MAP2K2: variants seen among roughly 807,000 people sequenced by gnomAD.
MAP2K2 encodes the protein dual specificity mitogen-activated protein kinase kinase 2.
MAP2K2 carries 24 observed loss-of-function variants against 43.7 expected under a neutral mutation model. That is an observed-to-expected ratio of 0.55 (90% CI 0.40 to 0.77). The LOEUF is 0.77. MAP2K2 is among the 30% of genes least tolerant of loss of function. The pLI is 0.00. For missense variants in MAP2K2, 470 were observed against 566.8 expected (o/e 0.83, Z 1.73); for synonymous variants, 244 against 239.7 (o/e 1.02, Z -0.17).
intron 6 of MAP2K2, chr19:4,100,681 A>G: frequency 2.7e-6 from 1 of 365,172 alleles, no homozygotes; most frequent in Non-Finnish European, 5.1e-6. Context: ...CAAATAAAAA[A>G]TAAAGAGCAA....
chr19:4,105,166 G>A (rs893408955), intron 3 of MAP2K2, among the ~76,000 whole-genome samples: 7 of 48,926 alleles, frequency 1.4e-4, no homozygotes, highest in Non-Finnish European at 4.6e-4. Flanking sequence ...GTGTGTGTGT[G>A]TGTGTGTGTG....
At chr19:4,103,837 G>A (rs908786094) in intron 3 of MAP2K2, among the ~76,000 whole-genome samples, 6 of 152,254 alleles carry the variant, frequency 3.9e-5, no homozygotes, top group Non-Finnish European at 8.8e-5. Context: ...CAGGGTGAGA[G>A]GGCAGGTATG....
chr19:4,115,590 G>C lies in MAP2K2; in HGVS notation c.303+1829C>G, dbSNP rs778992503. On this transcript the variant is annotated intron_variant, in intron 2 of 10. Transcript: ENST00000262948. The surrounding 1 kb of genome is among the most constrained non-coding windows in gnomAD (Gnocchi z 4.1). ...GTTTGGAAGAGGCTGCCTGCAGTAC[G>C]GGGACAGAAATAGCAAGTCCGCGGC... Among the ~76,000 whole-genome samples, 1 of 152,188 alleles carries C rather than the reference G, an allele frequency of 6.6e-6. No homozygotes were observed. The highest frequency in any genetic ancestry group is 6.5e-5 in the Admixed American group (1 of 15,270).
intron 10 of MAP2K2, 132 bp from the exon 11 acceptor site, chr19:4,090,840 C>T: frequency 8.3e-6 from 6 of 719,884 alleles, no homozygotes; most frequent in South Asian, 7.5e-5. Flanking sequence ...CCCTTCCCCA[C>T]AGGAAGACGC....
chr19:4,098,256 C>A (rs1313422109), intron 7 of MAP2K2, among the ~76,000 whole-genome samples: 1 of 152,118 alleles, frequency 6.6e-6, no homozygotes, highest in African/African-American at 2.4e-5. Context: ...CCAGGACAGG[C>A]CAGTCCAGAG....
At chr19:4,092,702 C>G (rs567075361) in intron 10 of MAP2K2, among the ~76,000 whole-genome samples, 88 of 152,278 alleles carry the variant, frequency 5.8e-4, no homozygotes, top group African/African-American at 2.0e-3. Context: ...CTCCTGGCCT[C>G]AGAGAGCCAT....
At chr19:4,112,682 GC>G (rs2041169642) in intron 2 of MAP2K2, among the ~76,000 whole-genome samples, 1 of 151,628 alleles carries the variant, frequency 6.6e-6, no homozygotes, top group Admixed American at 6.6e-5. Context: ...GCCCCTGCCT[GC>G]CCCTGTAGCG....
intron 7 of MAP2K2, among the ~76,000 whole-genome samples, chr19:4,097,579 A>G (rs1599285065): frequency 6.6e-6 from 1 of 152,260 alleles, no homozygotes. Context: ...GGCAAAAGGA[A>G]CAAGAACATT....
At chr19:4,097,561 A>T (rs893502817) in intron 7 of MAP2K2, among the ~76,000 whole-genome samples, 1 of 151,992 alleles carries the variant, frequency 6.6e-6, no homozygotes, top group Non-Finnish European at 1.5e-5. Flanking sequence ...CTAGTGAATT[A>T]AAAAAAAGGC....
chr19:4,102,405 C>G lies in MAP2K2; in HGVS notation c.499G>C (p.Glu167Gln), dbSNP rs1457335620. The change falls in exon 4 of 11, where the codon GAG becomes CAG. Residue 167 changes from glutamate to glutamine, a missense_variant. This residue lies in a region of MAP2K2 where 200 missense variants were observed against 297.9 expected (regional missense o/e 0.67). Transcript: ENST00000262948. ...ATGCTGACTTTCCCCAGGATCTCCT[C>G]GGGAATCCTCTTGGCCTCTTTCAGC... ...QVLKEAKRIP[E>Q]EILGKVSIAV... 1 of 1,605,766 alleles carries G rather than the reference C, an allele frequency of 6.2e-7. No homozygotes were observed. The highest frequency in any genetic ancestry group is 1.1e-5 in the South Asian group (1 of 89,456).
At chr19:4,095,068 C>T in intron 9 of MAP2K2, 1 of 375,896 alleles carries the variant, frequency 2.7e-6, no homozygotes, top group South Asian at 3.7e-5. Flanking sequence ...TCCCGGGGAG[C>T]CCACAGTCAG....
rs1236050467 is a variant in MAP2K2 at position 4,101,188 on chromosome 19, G to A, written c.580+41C>T. On this transcript the variant is annotated intron_variant, in intron 5 of 10. Transcript: ENST00000262948. The surrounding 1 kb of genome is among the most constrained non-coding windows in gnomAD (Gnocchi z 6.3). Reference sequence around the variant, plus strand: ...GGTGAGGGGCGCCCAACAGTTGCCTGCCGGCCCCCGGGGCTCTGGGGAGGG... The same window carrying A: ...GGTGAGGGGCGCCCAACAGTTGCCTACCGGCCCCCGGGGCTCTGGGGAGGG... The A allele has an allele frequency of 6.3e-7, 1 of 1,595,780 alleles. No homozygotes were observed. Among genetic ancestry groups the A allele is most frequent in the Admixed American group, 1.7e-5 (1 of 57,420 alleles).
chr19:4,095,378 C>T lies in MAP2K2; in HGVS notation c.1046+10G>A, dbSNP rs1364447290. The T allele has an allele frequency of 6.4e-7, 1 of 1,550,726 alleles. No homozygotes were observed. The highest frequency in any genetic ancestry group is 8.7e-7 in the Non-Finnish European group (1 of 1,146,702). ...CCGGCCAGGGGTGTGGGCAGCCCGG[C>T]TCCACCTACCATTTATTGACAAACT... On this transcript the variant is annotated intron_variant, in intron 9 of 10. Transcript: ENST00000262948.
rs1226350434 is a variant in MAP2K2, at chr19:4,115,961, A to T, written c.303+1458T>A. The stretch of plus-strand genomic sequence containing the variant: ...TCCCCTGGGCACTATTCTCAAACAC[A>T]GAGCACAGAGGCTGCATCATGGCCC... On this transcript the variant is annotated intron_variant, in intron 2 of 10. Transcript: ENST00000262948. This position sits in a 1 kb window ranked among gnomAD's most constrained non-coding sequence, Gnocchi z 4.1. 6.6e-6 allele frequency among the ~76,000 whole-genome samples: 1 copy of T among 152,162 alleles called. No individual in the cohort carries two copies. Among genetic ancestry groups the T allele is most frequent in the Non-Finnish European group, 1.5e-5 (1 of 68,036 alleles).
At chr19:4,105,162 G>A (rs1386883746) in intron 3 of MAP2K2, among the ~76,000 whole-genome samples, 1 of 27,022 alleles carries the variant, frequency 3.7e-5, no homozygotes, top group African/African-American at 4.9e-5. Context: ...TACCGTGTGT[G>A]TGTGTGTGTG....
intron 2 of MAP2K2, among the ~76,000 whole-genome samples, chr19:4,116,031 T>C (rs1228004453): frequency 6.6e-6 from 1 of 152,224 alleles, no homozygotes; most frequent in Non-Finnish European, 1.5e-5. Context: ...GCACCAGGGC[T>C]TGCAGACTTT....
At chr19:4,105,110 C>T (rs377393579) in intron 3 of MAP2K2, among the ~76,000 whole-genome samples, 29 of 151,220 alleles carry the variant, frequency 1.9e-4, no homozygotes, top group African/African-American at 6.9e-4. Flanking sequence ...CAGCTGTGTA[C>T]TGCTGACCCC....
At chr19:4,097,166 C>T (rs567303080) in intron 8 of MAP2K2, 113 bp downstream of exon 8, 2 of 807,738 alleles carry the variant, frequency 2.5e-6, no homozygotes, top group South Asian at 3.3e-5. Context: ...TGTACTCCAG[C>T]CTTGGTGACT....
chr19:4,103,122 T>C, intron 3 of MAP2K2: 1 of 995,386 alleles, frequency 1.0e-6, no homozygotes, highest in Non-Finnish European at 1.2e-6. Context: ...GCAGGAGGGA[T>C]CCCAGTGACG....
Sources: allele counts gnomAD v4.1 joint callset (sites outside exome capture counted in the v4.1 genomes callset), GRCh38; gene constraint gnomAD v4.1.1; regional missense constraint gnomAD v4.1.1; non-coding constraint Gnocchi (gnomAD v3.1); transcripts MANE v1.5; gene names NCBI Gene and HGNC (gene_info 2026-07-23, HGNC 2026-07-21).